SLC39A12: variants seen among roughly 807,000 people sequenced by gnomAD.
SLC39A12 encodes zinc transporter ZIP12.
A neutral mutation model predicts 71.1 loss-of-function variants in SLC39A12; 63 were observed. The ratio of observed to expected loss-of-function variants is 0.89; its 90% CI spans 0.72 to 1.09. The LOEUF (loss-of-function observed/expected upper bound fraction) is 1.09, where lower values mean the gene tolerates loss of function less well. Ranked by LOEUF, SLC39A12 falls within the 50% of genes least tolerant of loss-of-function variation. SLC39A12 has a pLI of 0.00. For missense variants in SLC39A12, 892 were observed against 812.6 expected (o/e 1.10, Z -1.19); for synonymous variants, 351 against 301.3 (o/e 1.16, Z -1.71).
chr10:18,034,303 A>G (rs1486184545), intron 12 of SLC39A12, among the ~76,000 whole-genome samples: 1 of 150,016 alleles, frequency 6.7e-6, no homozygotes, highest in Non-Finnish European at 1.5e-5. Flanking sequence ...TTTGTAGGTC[A>G]CTCAGGACTT....
chr10:18,035,713 G>A (rs1836986265), intron 12 of SLC39A12, among the ~76,000 whole-genome samples: 1 of 152,236 alleles, frequency 6.6e-6, no homozygotes, highest in Admixed American at 6.5e-5. Flanking sequence ...CGCTGGAGGA[G>A]GAGAGATGCT....
intron 12 of SLC39A12, among the ~76,000 whole-genome samples, chr10:18,025,365 A>T (rs895921399): frequency 2.6e-5 from 4 of 151,938 alleles, no homozygotes; most frequent in African/African-American, 9.7e-5. Context: ...GTGTATCTCC[A>T]AATGCTATCC....
intron 4 of SLC39A12, among the ~76,000 whole-genome samples, chr10:17,970,997 G>A (rs1017862706): frequency 2.6e-5 from 4 of 151,758 alleles, no homozygotes; most frequent in Non-Finnish European, 5.9e-5. Context: ...ATTTTTTAGG[G>A]TTTTTATCAT....
chr10:18,040,472 A>G (rs1272922284), intron 12 of SLC39A12, among the ~76,000 whole-genome samples: 1 of 152,104 alleles, frequency 6.6e-6, no homozygotes, highest in East Asian at 1.9e-4. Flanking sequence ...CCATGTACTT[A>G]AAAATGTGTC....
intron 10 of SLC39A12, among the ~76,000 whole-genome samples, chr10:17,996,144 T>C (rs554957507): frequency 2.4e-4 from 36 of 152,346 alleles, no homozygotes; most frequent in African/African-American, 7.9e-4. Flanking sequence ...TTATTTATCA[T>C]ACTGTCATTG....
intron 12 of SLC39A12, among the ~76,000 whole-genome samples, chr10:18,031,456 G>A (rs1836846191): frequency 1.6e-5 from 2 of 126,200 alleles, no homozygotes; most frequent in Non-Finnish European, 3.4e-5. Flanking sequence ...CTTTTGAGAA[G>A]TGTCTGTTCA....
At position 17,965,771 on chromosome 10, in the gene SLC39A12, A is replaced by G. The variant is rs552496917; in HGVS notation, c.751+81A>G. 7.0e-6 allele frequency: 8 copies of G among 1,143,396 alleles called. No individual in the cohort carries two copies. The South Asian group carries it at 1.1e-4, about 16-fold the overall frequency. The allele number at this position is 1,143,396 out of a possible 1,614,324, so 70.8% of individuals were successfully genotyped here. A position where few individuals can be genotyped will look rare whatever the true frequency, so the allele number is the denominator to read the frequency against. On this transcript the variant is annotated intron_variant, in intron 4 of 12. Coordinates refer to ENST00000377369, the MANE Select transcript of SLC39A12 (RefSeq NM_001145195.2). ...CCAAAAACAAAGGCCAAAGCTCTTG[A>G]TGACTGAATTCGTTCAGGTATGTTT...
At chr10:17,978,102 C>G (rs745870847) in intron 5 of SLC39A12, 28 bp downstream of exon 5, 27 of 1,520,014 alleles carry the variant, frequency 1.8e-5, no homozygotes, top group Non-Finnish European at 2.4e-5. Context: ...CTTATTCAAG[C>G]ATTTGCTACT....
Position 17,953,076 on chromosome 10 carries a change from C to A in SLC39A12, c.-86-115C>A, listed in dbSNP as rs552511. 2.0e-5 allele frequency: 13 copies of A among 639,382 alleles called. 1 individual carries two copies. Among genetic ancestry groups the A allele is most frequent in the South Asian group, 1.3e-4 (6 of 47,826 alleles). 39.6% of individuals were successfully genotyped at this position (639,382 alleles called of 1,614,324 possible). The stretch of plus-strand genomic sequence containing the variant: ...GGGTTAGAAATTACCTACAGACCCC[C>A]GCTGTGTAGAAACAGCTTGTCATTG... On this transcript the variant is annotated intron_variant, in intron 1 of 12. Coordinates refer to ENST00000377369, the MANE Select transcript of SLC39A12 (RefSeq NM_001145195.2).
chr10:18,038,532 C>G (rs1482094687), intron 12 of SLC39A12, among the ~76,000 whole-genome samples: 1 of 152,036 alleles, frequency 6.6e-6, no homozygotes, highest in African/African-American at 2.4e-5. Flanking sequence ...TGCCTGTAAT[C>G]CCAGCTACTT....
Position 17,991,315 on chromosome 10 carries a change from A to G in SLC39A12, c.1422+12A>G. ...CACCAAATGACAAGGTATATTTTTA[A>G]GTTTTATTTGTCTTGTGCTTTAAAG... is the stretch of plus-strand genomic sequence containing the variant. On this transcript the variant is annotated intron_variant, in intron 8 of 12. Transcript: ENST00000377369. 1 of 1,562,764 alleles carries G rather than the reference A, an allele frequency of 6.4e-7. No homozygotes were observed. Among genetic ancestry groups the G allele is most frequent in the Non-Finnish European group, 8.6e-7 (1 of 1,160,694 alleles).
At position 18,004,788 on chromosome 10, in the gene SLC39A12, A is replaced by G. The variant is rs138942051; in HGVS notation, c.1947+1430A>G. On this transcript the variant is annotated intron_variant, in intron 12 of 12. Coordinates refer to ENST00000377369, the MANE Select transcript of SLC39A12 (RefSeq NM_001145195.2). ...ATCATTCTATTATAAAGATACATGC[A>G]GCACTATACACAATAGCAAAGACAT... Among the ~76,000 whole-genome samples the G allele has an allele frequency of 8.5e-5, 13 of 152,308 alleles. No individual in the cohort carries two copies. The East Asian group carries it at 2.3e-3, about 27-fold the overall frequency.
intron 12 of SLC39A12, among the ~76,000 whole-genome samples, chr10:18,028,291 G>T (rs1445787757): frequency 6.6e-6 from 1 of 152,154 alleles, no homozygotes; most frequent in African/African-American, 2.4e-5. Context: ...ATCAGTGAAA[G>T]CTCTTTGACA....
Position 18,000,702 on chromosome 10 carries a change from G to A in SLC39A12, c.1636G>A (p.Val546Ile). The A allele has an allele frequency of 6.2e-7, 1 of 1,614,150 alleles. No homozygotes were observed. Among genetic ancestry groups the A allele is most frequent in the South Asian group, 1.1e-5 (1 of 91,084 alleles). The change falls in exon 11 of 13, where the codon GTT (valine) becomes ATT (isoleucine). Residue 546 changes from valine to isoleucine, a missense_variant. Coordinates refer to ENST00000377369, the MANE Select transcript of SLC39A12 (RefSeq NM_001145195.2). Reference protein sequence around the residue: ...AISLLAIMILVGDSLHNFADG... With the variant: ...AISLLAIMILIGDSLHNFADG... ...TAGCTTGTTAGCAATCATGATTCTG[G>A]TTGGGGACAGCCTGCATAATTTTGC...
Position 17,991,160 on chromosome 10 carries a change from T to G in SLC39A12, c.1279T>G (p.Leu427Val). ...LLHLIPQVLG[L>V]HKQEAPEFGH... ...TTTTTTTCCCCTGAAGGTTCTTGGT[T>G]TACATAAGCAGGAAGCCCCAGAATT... The change falls in exon 8 of 13, where the codon TTA (leucine) becomes GTA (valine). Residue 427 changes from leucine to valine, a missense_variant. Transcript: ENST00000377369. The G allele has an allele frequency of 6.5e-7, 1 of 1,544,340 alleles. No homozygotes were observed. The highest frequency in any genetic ancestry group is 2.3e-5 in the Admixed American group (1 of 43,550).
chr10:17,956,502 A>G (rs1180858606), intron 2 of SLC39A12, among the ~76,000 whole-genome samples: 1 of 152,160 alleles, frequency 6.6e-6, no homozygotes, highest in African/African-American at 2.4e-5. Flanking sequence ...TCAGGATCTC[A>G]TGGACACATA....
At chr10:18,020,266 A>G (rs1172798012) in intron 12 of SLC39A12, among the ~76,000 whole-genome samples, 2 of 152,094 alleles carry the variant, frequency 1.3e-5, no homozygotes, top group Non-Finnish European at 2.9e-5. Flanking sequence ...AACGGCCACC[A>G]GTTTCATCCA....
chr10:17,976,063 G>A (rs1041942806), intron 4 of SLC39A12, among the ~76,000 whole-genome samples: 2 of 152,192 alleles, frequency 1.3e-5, no homozygotes, highest in African/African-American at 4.8e-5. Flanking sequence ...GGTGACATCA[G>A]AGATTCAAGA....
At chr10:18,029,266 C>A (rs982978657) in intron 12 of SLC39A12, among the ~76,000 whole-genome samples, 25 of 152,238 alleles carry the variant, frequency 1.6e-4, no homozygotes, top group Admixed American at 1.3e-3. Flanking sequence ...ACAGAACTTG[C>A]GAGGACCATT....
Sources: gnomAD v4.1 joint callset for allele counts (sites outside exome capture counted in the v4.1 genomes callset) on GRCh38, gnomAD v4.1.1 for gene constraint, MANE v1.5 for transcripts, NCBI Gene and HGNC (gene_info 2026-07-23, HGNC 2026-07-21) for gene names.